Variants in NEO1 observed in about 807,000 individuals in gnomAD.
The protein encoded by NEO1 is neogenin 1, also known as neogenin.
NEO1 carries 63 observed loss-of-function variants against 159.7 expected under a neutral mutation model. The ratio of observed to expected loss-of-function variants is 0.39; its 90% CI spans 0.32 to 0.49. The LOEUF (loss-of-function observed/expected upper bound fraction) is 0.49, where lower values mean the gene tolerates loss of function less well. NEO1 is among the 20% of genes least tolerant of loss of function. The probability of loss-of-function intolerance (pLI) is 0.85; values close to 1 mark genes in which losing one functional copy is unlikely to be tolerated. For synonymous variants in NEO1, 633 were observed against 662.0 expected (o/e 0.96, Z 0.67); for missense variants, 1,615 against 1,831.0 (o/e 0.88, Z 2.15).
intron 7 of NEO1, among the ~76,000 whole-genome samples, chr15:73,193,907 A>G (rs535593943): frequency 2.0e-5 from 3 of 152,134 alleles, no homozygotes; most frequent in Admixed American, 1.3e-4. Context: ...GCCTAGAAGG[A>G]TGGATGGGAT....
rs555474292 is a variant in NEO1, at chr15:73,195,465, A to G, written c.1291+17038A>G. On this transcript the variant is annotated intron_variant, in intron 7 of 28. Coordinates refer to ENST00000261908, the MANE Select transcript of NEO1 (RefSeq NM_002499.4). ...TTGTTGGCAATGAGAATATCTCCCA[A>G]TTGATGCATGCTTAAGAGACTACCA... Among the ~76,000 whole-genome samples, 8 of 152,308 alleles carry G rather than the reference A, an allele frequency of 5.3e-5. No individual in the cohort carries two copies. In the East Asian group the frequency reaches 1.5e-3, roughly 29 times the overall value.
At chr15:73,092,182 C>T (rs142055440) in intron 1 of NEO1, among the ~76,000 whole-genome samples, 5 of 152,218 alleles carry the variant, frequency 3.3e-5, no homozygotes, top group East Asian at 3.9e-4. Flanking sequence ...TATTAGATAG[C>T]GTTTTAACTA....
intron 13 of NEO1, among the ~76,000 whole-genome samples, chr15:73,258,243 T>A (rs2040459138): frequency 6.6e-6 from 1 of 152,208 alleles, no homozygotes; most frequent in Non-Finnish European, 1.5e-5. Flanking sequence ...AATTGGTTGT[T>A]AAGGAATAGA....
intron 5 of NEO1, among the ~76,000 whole-genome samples, chr15:73,149,312 TAAAA>T (rs11370260): frequency 7.3e-6 from 1 of 137,778 alleles, no homozygotes; most frequent in African/African-American, 2.7e-5. Context: ...AGACTCGGTC[TAAAA>T]AAAAAAAAAA....
intron 7 of NEO1, among the ~76,000 whole-genome samples, chr15:73,220,422 C>T (rs910993508): frequency 6.6e-6 from 1 of 151,924 alleles, no homozygotes; most frequent in African/African-American, 2.4e-5. Context: ...TTGCTCTTCT[C>T]GAGGAGTATC....
intron 1 of NEO1, among the ~76,000 whole-genome samples, chr15:73,060,842 G>C (rs865995304): frequency 6.7e-6 from 1 of 150,344 alleles, no homozygotes. Flanking sequence ...TACAGACAGG[G>C]TTTCACCATA....
intron 11 of NEO1, 148 bp downstream of exon 11, chr15:73,249,869 A>G: frequency 1.1e-6 from 1 of 883,178 alleles, no homozygotes; most frequent in Non-Finnish European, 1.7e-6. Context: ...AAGTCTGAAC[A>G]TCTTTTTTCA....
intron 21 of NEO1, 69 bp from the exon 22 acceptor site, chr15:73,278,062 C>T: frequency 7.3e-7 from 1 of 1,375,926 alleles, no homozygotes; most frequent in South Asian, 1.2e-5. Flanking sequence ...TAAAACACTC[C>T]CTAGCTATGA....
Position 73,126,503 on chromosome 15 carries a change from G to C in NEO1, c.811G>C (p.Val271Leu). Residue 271 changes from valine to leucine, a missense_variant, in exon 4 of 29, where the codon GTT becomes CTT. Coordinates refer to ENST00000261908, the MANE Select transcript of NEO1 (RefSeq NM_002499.4). ...TGGTCAGGATGTAGTGTTGCCATGTGTTGCTTCAGGACTTCCTACTCCAAC... is the reference window on the plus strand; with the variant it reads ...TGGTCAGGATGTAGTGTTGCCATGTCTTGCTTCAGGACTTCCTACTCCAAC... ...VIGQDVVLPC[V>L]ASGLPTPTIK... The C allele has an allele frequency of 6.2e-7, 1 of 1,613,582 alleles. No individual in the cohort carries two copies. Among genetic ancestry groups the C allele is most frequent in the Non-Finnish European group, 8.5e-7 (1 of 1,179,902 alleles).
chr15:73,260,277 G>T lies in NEO1; in HGVS notation c.2210G>T (p.Arg737Leu). The change falls in exon 15 of 29, where the codon CGT becomes CTT. Residue 737 changes from arginine (R) to leucine (L), a missense_variant. Transcript: ENST00000261908. The part of the protein sequence containing the change: ...ETFESDLDET[R>L]VPEVPSSLHV... ...TTCCACTTTTCCTTCCCAGAAACTC[G>T]TGTTCCTGAAGTGCCTAGCTCTCTT... is the stretch of plus-strand genomic sequence containing the variant. The T allele has an allele frequency of 1.2e-6, 2 of 1,607,482 alleles. No homozygotes were observed. The highest frequency in any genetic ancestry group is 1.7e-5 in the Admixed American group (1 of 59,662).
At chr15:73,071,051 A>G (rs1367874202) in intron 1 of NEO1, among the ~76,000 whole-genome samples, 2 of 152,228 alleles carry the variant, frequency 1.3e-5, no homozygotes, top group East Asian at 3.9e-4. Flanking sequence ...GGTAGCCTTC[A>G]ACTCCTGGGC....
chr15:73,238,470 A>G (rs1353828315), intron 8 of NEO1, among the ~76,000 whole-genome samples: 3 of 151,442 alleles, frequency 2.0e-5, no homozygotes, highest in African/African-American at 7.3e-5. Context: ...AATAATAGAT[A>G]ATTCAAGTAA....
At chr15:73,099,279 C>T (rs191978076) in intron 1 of NEO1, among the ~76,000 whole-genome samples, 3 of 152,242 alleles carry the variant, frequency 2.0e-5, no homozygotes, top group East Asian at 1.9e-4. Context: ...AAGAGCTCAA[C>T]GAATGAATGA....
At chr15:73,226,030 T>C (rs1451191614) in intron 7 of NEO1, among the ~76,000 whole-genome samples, 1 of 152,080 alleles carries the variant, frequency 6.6e-6, no homozygotes, top group Non-Finnish European at 1.5e-5. Flanking sequence ...CCAGGTAAGG[T>C]CGGAAACTTC....
intron 1 of NEO1, among the ~76,000 whole-genome samples, chr15:73,106,184 A>C (rs1438782822): frequency 2.0e-5 from 3 of 152,164 alleles, no homozygotes; most frequent in African/African-American, 7.2e-5. Context: ...TTGATTCCTC[A>C]CAATTATTGT....
At chr15:73,214,191 G>T (rs1415557581) in intron 7 of NEO1, among the ~76,000 whole-genome samples, 4 of 152,138 alleles carry the variant, frequency 2.6e-5, no homozygotes, top group Non-Finnish European at 5.9e-5. Flanking sequence ...TCCTTTGTCA[G>T]ATTGTGAAGC....
intron 9 of NEO1, among the ~76,000 whole-genome samples, chr15:73,248,637 A>G (rs1317295984): frequency 3.9e-5 from 6 of 152,156 alleles, no homozygotes; most frequent in Non-Finnish European, 8.8e-5. Flanking sequence ...ACCGTTACCT[A>G]AATCTGTTAG....
chr15:73,219,321 C>T (rs1438625816), intron 7 of NEO1, among the ~76,000 whole-genome samples: 1 of 147,418 alleles, frequency 6.8e-6, no homozygotes, highest in Non-Finnish European at 1.5e-5. Context: ...TTTACATTTG[C>T]TGAGGAGAGC....
rs556599823 is a variant in NEO1 at position 73,096,948 on chromosome 15, G to GA, written c.131-19591dup. ...ATGACTAACCTGGGCAACATGGTGA[G>GA]ACCCTGTCTCTTAAAAAAAAAGAAA... is the stretch of plus-strand genomic sequence containing the variant. On this transcript the variant is annotated intron_variant, in intron 1 of 28. Coordinates refer to ENST00000261908, the MANE Select transcript of NEO1 (RefSeq NM_002499.4). Among the ~76,000 whole-genome samples, 19 of 152,068 alleles carry GA rather than the reference G, an allele frequency of 1.2e-4. No homozygotes were observed. In the East Asian group the frequency reaches 3.5e-3, roughly 28 times the overall value.
Sources: gnomAD v4.1 joint callset for allele counts (sites outside exome capture counted in the v4.1 genomes callset) on GRCh38, gnomAD v4.1.1 for gene constraint, MANE v1.5 for transcripts, NCBI Gene and HGNC (gene_info 2026-07-23, HGNC 2026-07-21) for gene names.